Variants in MGAT5 observed in about 807,000 individuals in gnomAD.
The protein encoded by MGAT5 is alpha-1,6-mannosylglycoprotein 6-beta-N-acetylglucosaminyltransferase, also known as alpha-1,6-mannosylglycoprotein 6-beta-N-acetylglucosaminyltransferase A.
MGAT5 carries 30 observed loss-of-function variants against 94.3 expected under a neutral mutation model. That is an observed-to-expected ratio of 0.32 (90% confidence interval 0.24 to 0.43). The LOEUF (loss-of-function observed/expected upper bound fraction) is 0.43, where lower values mean the gene tolerates loss of function less well. Ranked by LOEUF, MGAT5 falls within the 20% of genes least tolerant of loss-of-function variation. The pLI is 1.00. For missense variants in MGAT5, 691 were observed against 905.5 expected, an observed-to-expected ratio of 0.76 and a Z score of 3.04; for synonymous variants, 310 against 322.9, an observed-to-expected ratio of 0.96 and a Z score of 0.43.
At chr2:134,422,087 G>A (rs947044468) in intron 12 of MGAT5, among the ~76,000 whole-genome samples, 3 of 152,120 alleles carry the variant, frequency 2.0e-5, no homozygotes, top group Non-Finnish European at 4.4e-5. Context: ...CTGAGGCAAG[G>A]TGATCTCTTG....
chr2:134,389,960 G>A (rs1682296564), intron 10 of MGAT5, among the ~76,000 whole-genome samples: 1 of 152,118 alleles, frequency 6.6e-6, no homozygotes, highest in Admixed American at 6.5e-5. Context: ...GACAGGCAGG[G>A]CGTTGGTGTG....
At chr2:134,371,594 T>C (rs1680805325) in intron 10 of MGAT5, among the ~76,000 whole-genome samples, 1 of 152,166 alleles carries the variant, frequency 6.6e-6, no homozygotes, top group East Asian at 1.9e-4. Flanking sequence ...TTTTCTTCTT[T>C]GGATTGGGGC....
chr2:134,158,128 C>G (rs1003854108), intron 1 of MGAT5, among the ~76,000 whole-genome samples: 1 of 152,258 alleles, frequency 6.6e-6, no homozygotes, highest in Admixed American at 6.5e-5. Context: ...AGTTATCACT[C>G]TGGTAGGTGG....
intron 1 of MGAT5, among the ~76,000 whole-genome samples, chr2:134,189,244 A>G (rs1689198013): frequency 6.6e-6 from 1 of 151,986 alleles, no homozygotes; most frequent in Non-Finnish European, 1.5e-5. Flanking sequence ...CTCTAATTGC[A>G]TGGTTGGTTT....
At chr2:134,225,539 T>TTATA (rs1681016516) in intron 1 of MGAT5, among the ~76,000 whole-genome samples, 1 of 152,254 alleles carries the variant, frequency 6.6e-6, no homozygotes, top group African/African-American at 2.4e-5. Flanking sequence ...AGTGATCTAG[T>TTATA]TATATATCCA....
At chr2:134,344,864 A>G (rs1573871125) in intron 7 of MGAT5, 66 bp from the exon 8 acceptor site, 1 of 1,567,524 alleles carries the variant, frequency 6.4e-7, no homozygotes, top group Non-Finnish European at 8.7e-7. Flanking sequence ...AAAGTTGCCA[A>G]GTTTATTACC....
In MGAT5 at chr2:134,161,336, G is replaced by C. The variant is rs185350705; in HGVS notation, c.-143+41045G>C. Among the ~76,000 whole-genome samples the C allele has an allele frequency of 2.6e-4, 39 of 152,318 alleles. 1 individual carries two copies. Among genetic ancestry groups the C allele is most frequent in the African/African-American group, 9.4e-4 (39 of 41,562 alleles). On this transcript the variant is annotated intron_variant, in intron 1 of 16. Coordinates refer to the MGAT5 transcript ENST00000409645. ...GGGCTGGGTTGGGCCTGGGAGCAAC[G>C]GGAAGGAAGTGAAGTCATTTTTCAG...
At position 134,140,085 on chromosome 2, in the gene MGAT5, T is replaced by C. The variant is rs373448605; in HGVS notation, c.-143+19794T>C. On this transcript the variant is annotated intron_variant, in intron 1 of 16. Coordinates refer to the MGAT5 transcript ENST00000409645. ...TGACCAGCAGGACCTGGAGAGGCACTTGGGGGCTCACGGCCTGCACCTGCC... is the reference window on the plus strand; with the variant it reads ...TGACCAGCAGGACCTGGAGAGGCACCTGGGGGCTCACGGCCTGCACCTGCC... Among the ~76,000 whole-genome samples, 7 of 152,332 alleles carry C rather than the reference T, an allele frequency of 4.6e-5. No homozygotes were observed. The East Asian group carries it at 7.7e-4, about 17-fold the overall frequency.
At chr2:134,368,602 A>G (rs1200568365) in intron 10 of MGAT5, among the ~76,000 whole-genome samples, 3 of 152,158 alleles carry the variant, frequency 2.0e-5, no homozygotes, top group Admixed American at 6.5e-5. Context: ...GCCCTTTTCT[A>G]CTTCATTCTC....
chr2:134,227,881 C>A (rs1282357141), intron 1 of MGAT5, among the ~76,000 whole-genome samples: 1 of 152,100 alleles, frequency 6.6e-6, no homozygotes, highest in Non-Finnish European at 1.5e-5. Context: ...GTGGAATGAG[C>A]CACATTATTT....
At chr2:134,179,506 A>C (rs1688634097) in intron 1 of MGAT5, among the ~76,000 whole-genome samples, 1 of 152,132 alleles carries the variant, frequency 6.6e-6, no homozygotes, top group Non-Finnish European at 1.5e-5. Context: ...TCACTAATTC[A>C]GTGTTTGCAG....
chr2:134,151,155 C>T (rs1442617571), intron 1 of MGAT5, among the ~76,000 whole-genome samples: 4 of 151,810 alleles, frequency 2.6e-5, no homozygotes, highest in South Asian at 2.1e-4. Context: ...GGACCTCACT[C>T]ACGCCCTGTG....
chr2:134,446,482 C>T (rs1195280263), intron 15 of MGAT5, among the ~76,000 whole-genome samples: 1 of 152,110 alleles, frequency 6.6e-6, no homozygotes, highest in Non-Finnish European at 1.5e-5. Context: ...AGGTCATGTT[C>T]CATATGTAAA....
At chr2:134,413,514 C>G (rs1683788412) in intron 12 of MGAT5, among the ~76,000 whole-genome samples, 1 of 152,122 alleles carries the variant, frequency 6.6e-6, no homozygotes, top group African/African-American at 2.4e-5. Context: ...ATTGCTAGAA[C>G]CATTTGCAGA....
rs776830170 is a variant in MGAT5 at position 134,162,836 on chromosome 2, A to G, written c.-143+42545A>G. Among the ~76,000 whole-genome samples the G allele has an allele frequency of 3.9e-5, 6 of 152,322 alleles. 1 individual carries two copies. In the South Asian group the frequency reaches 8.3e-4, roughly 21 times the overall value. On this transcript the variant is annotated intron_variant, in intron 1 of 16. Transcript: ENST00000409645. The stretch of plus-strand genomic sequence containing the variant: ...TGGGGTAGGTGCTGTTATTACTGCA[A>G]TTTCACAGAAGATGAAACCGAGGTT...
At chr2:134,292,326 T>C (rs1685418539) in intron 2 of MGAT5, among the ~76,000 whole-genome samples, 1 of 152,138 alleles carries the variant, frequency 6.6e-6, no homozygotes, top group Non-Finnish European at 1.5e-5. Flanking sequence ...GCTTCACATA[T>C]AGCATCTCAT....
intron 1 of MGAT5, among the ~76,000 whole-genome samples, chr2:134,213,435 C>A (rs973643849): frequency 1.4e-5 from 2 of 141,344 alleles, no homozygotes; most frequent in Admixed American, 8.1e-5. Context: ...GTGTTTTTTT[C>A]CCCTCACACC....
Position 134,256,705 on chromosome 2 carries a change from A to G in MGAT5, c.241+2061A>G, listed in dbSNP as rs1056572075. Among the ~76,000 whole-genome samples the G allele has an allele frequency of 1.1e-4, 16 of 152,244 alleles. 1 individual carries two copies. The highest frequency in any genetic ancestry group is 9.8e-4 in the Admixed American group (15 of 15,290). On this transcript the variant is annotated intron_variant, in intron 1 of 15. Transcript: ENST00000281923. ...TATGCCTGTAATCATAAGACTTTGC[A>G]TCTCAAAGAAACTATAGAAATTATT...
intron 1 of MGAT5, among the ~76,000 whole-genome samples, chr2:134,261,783 C>T (rs1683355655): frequency 6.6e-6 from 1 of 152,186 alleles, no homozygotes; most frequent in Admixed American, 6.5e-5. Context: ...GTACCTTTTG[C>T]CTGGCACATA....
Sources: gnomAD v4.1 joint callset for allele counts (sites outside exome capture counted in the v4.1 genomes callset) on GRCh38, gnomAD v4.1.1 for gene constraint, MANE v1.5 for transcripts, NCBI Gene and HGNC (gene_info 2026-07-23, HGNC 2026-07-21) for gene names.